C16orf87: variants seen among roughly 807,000 people sequenced by gnomAD.
The protein encoded by C16orf87 is UPF0547 protein C16orf87.
A neutral mutation model predicts 21.0 loss-of-function variants in C16orf87; 13 were observed. The observed-to-expected ratio is 0.62, with a 90% CI of 0.40 to 0.98. The LOEUF (loss-of-function observed/expected upper bound fraction) is 0.98, where lower values mean the gene tolerates loss of function less well. Ranked by LOEUF, C16orf87 falls within the 50% of genes least tolerant of loss-of-function variation. The pLI, the probability that C16orf87 is intolerant of heterozygous loss-of-function variation, is 0.00. For missense variants in C16orf87, 113 were observed against 180.4 expected (o/e 0.63, Z 2.14); for synonymous variants, 49 against 60.2 (o/e 0.81, Z 0.86).
intron 2 of C16orf87, among the ~76,000 whole-genome samples, chr16:46,811,103 G>A (rs1412584922): frequency 6.6e-6 from 1 of 152,144 alleles, no homozygotes; most frequent in Non-Finnish European, 1.5e-5. Context: ...TCATATTAAA[G>A]CTAATAAATG....
intron 1 of C16orf87, among the ~76,000 whole-genome samples, chr16:46,827,803 G>A (rs1395696166): frequency 2.0e-5 from 3 of 151,002 alleles, no homozygotes; most frequent in African/African-American, 2.4e-5. Context: ...GGCTGGTCTC[G>A]AACTCCTGAC....
At chr16:46,813,398 C>G (rs1235590900) in intron 2 of C16orf87, among the ~76,000 whole-genome samples, 1 of 151,298 alleles carries the variant, frequency 6.6e-6, no homozygotes, top group Non-Finnish European at 1.5e-5. Context: ...AAAATATACC[C>G]ATAATCTCTT....
At chr16:46,826,515 C>A (rs1177832670) in intron 1 of C16orf87, among the ~76,000 whole-genome samples, 1 of 152,114 alleles carries the variant, frequency 6.6e-6, no homozygotes, top group Non-Finnish European at 1.5e-5. Flanking sequence ...GAAATTTTGG[C>A]AGAATAATTC....
At chr16:46,805,839 A>T (rs956109658) in intron 3 of C16orf87, among the ~76,000 whole-genome samples, 1 of 152,174 alleles carries the variant, frequency 6.6e-6, no homozygotes, top group African/African-American at 2.4e-5. Flanking sequence ...TAGAGAAGAT[A>T]TGTTCAAACT....
At chr16:46,818,263 A>T (rs1596819169) in intron 2 of C16orf87, among the ~76,000 whole-genome samples, 1 of 152,242 alleles carries the variant, frequency 6.6e-6, no homozygotes, top group East Asian at 1.9e-4. Context: ...ATACTACTGA[A>T]TTAATACTCA....
intron 1 of C16orf87, among the ~76,000 whole-genome samples, chr16:46,825,822 G>A (rs1265771907): frequency 1.3e-5 from 2 of 151,306 alleles, no homozygotes; most frequent in Admixed American, 6.6e-5. Flanking sequence ...GCTGAGGCAG[G>A]AGAATCGCTT....
chr16:46,830,403 G>A (rs893205613), intron 1 of C16orf87, among the ~76,000 whole-genome samples: 5 of 152,020 alleles, frequency 3.3e-5, no homozygotes, highest in Non-Finnish European at 7.4e-5. Context: ...GGGAAGTTAG[G>A]AGCGCCCAAA....
intron 1 of C16orf87, among the ~76,000 whole-genome samples, chr16:46,827,768 AGAT>A (rs1959671768): frequency 6.6e-6 from 1 of 151,708 alleles, no homozygotes; most frequent in South Asian, 2.1e-4. Flanking sequence ...TTTTTAGTAG[AGAT>A]GGGGTTTCAC....
At chr16:46,824,340 A>T in intron 2 of C16orf87, 46 bp downstream of exon 2, 1 of 847,456 alleles carries the variant, frequency 1.2e-6, no homozygotes, top group Non-Finnish European at 1.9e-6. Flanking sequence ...AATTAACTTT[A>T]CATTTCTACA....
At chr16:46,821,824 G>A (rs1287851397) in intron 2 of C16orf87, among the ~76,000 whole-genome samples, 1 of 151,918 alleles carries the variant, frequency 6.6e-6, no homozygotes, top group Non-Finnish European at 1.5e-5. Flanking sequence ...AGTTTTACCT[G>A]CAGCTGAGGC....
intron 1 of C16orf87, among the ~76,000 whole-genome samples, chr16:46,828,196 G>A (rs1466733955): frequency 6.6e-6 from 1 of 152,056 alleles, no homozygotes; most frequent in African/African-American, 2.4e-5. Flanking sequence ...CCAAAGTACT[G>A]GGATTACAGG....
At chr16:46,816,804 T>A (rs1968258844) in intron 2 of C16orf87, among the ~76,000 whole-genome samples, 1 of 152,064 alleles carries the variant, frequency 6.6e-6, no homozygotes, top group Admixed American at 6.6e-5. Context: ...TGAAACTGGG[T>A]AAGGTTTCCA....
intron 2 of C16orf87, among the ~76,000 whole-genome samples, chr16:46,814,672 G>GT (rs1463068144): frequency 1.3e-5 from 2 of 152,098 alleles, no homozygotes; most frequent in Non-Finnish European, 2.9e-5. Flanking sequence ...TCCTTCATTT[G>GT]TATCACACCA....
At position 46,800,192 on chromosome 16, in the gene C16orf87, TTAAG is replaced by T. The variant is rs748011661; in HGVS notation, c.*2756_*2759del. ...CATACTGACCTTTTTTTTTTTTTTC[TTAAG>T]TATTTCTGAAATTTAAAGAAATAAG... On this transcript the variant is annotated 3_prime_UTR_variant, in exon 4 of 4. Transcript: ENST00000285697. The T allele has an allele frequency of 1.5e-5, 2 of 131,308 alleles. No homozygotes were observed. The highest frequency in any genetic ancestry group is 3.4e-5 in the Non-Finnish European group (2 of 59,394). 8.1% of individuals were successfully genotyped at this position (131,308 alleles called of 1,614,324 possible). A position where few individuals can be genotyped will look rare whatever the true frequency, so the allele number is the denominator to read the frequency against.
At chr16:46,817,163 C>G (rs1567313132) in intron 2 of C16orf87, among the ~76,000 whole-genome samples, 1 of 152,036 alleles carries the variant, frequency 6.6e-6, no homozygotes, top group Admixed American at 6.6e-5. Context: ...TAGAAACCAC[C>G]TTGAGTTGAA....
chr16:46,822,646 CATAA>C (rs1367114042), intron 2 of C16orf87, among the ~76,000 whole-genome samples: 2 of 152,198 alleles, frequency 1.3e-5, no homozygotes, highest in Admixed American at 6.5e-5. Flanking sequence ...ACCTCTCAGA[CATAA>C]ATAAAAATTA....
chr16:46,824,683 T>TTTTA (rs1469136294), intron 1 of C16orf87, among the ~76,000 whole-genome samples: 1 of 150,856 alleles, frequency 6.6e-6, no homozygotes. Flanking sequence ...TTTTTTTTTT[T>TTTTA]GAGACGGAGT....
chr16:46,813,117 T>A (rs1197966685), intron 2 of C16orf87, among the ~76,000 whole-genome samples: 1 of 152,178 alleles, frequency 6.6e-6, no homozygotes. Flanking sequence ...AACACTATTG[T>A]TATGATGGCT....
At position 46,809,746 on chromosome 16, in the gene C16orf87, ACTCT is replaced by A; in HGVS notation, c.199_202del (p.Arg67LeufsTer6). The A allele has an allele frequency of 6.2e-7, 1 of 1,603,314 alleles. No individual in the cohort carries two copies. Among genetic ancestry groups the A allele is most frequent in the Non-Finnish European group, 8.5e-7 (1 of 1,173,534 alleles). On this transcript the variant is annotated frameshift_variant, in exon 3 of 4. Coordinates refer to ENST00000285697, the MANE Select transcript of C16orf87 (RefSeq NM_001001436.4). LOFTEE classifies it high-confidence loss of function. ...TGTAGAATTTATCTTCTCTCTCCTA[ACTCT>A]CTCTGTTCGCCTCCTCTTGGCCTCA...
Sources: allele counts gnomAD v4.1 joint callset (sites outside exome capture counted in the v4.1 genomes callset), GRCh38; gene constraint gnomAD v4.1.1; transcripts MANE v1.5; gene names NCBI Gene and HGNC (gene_info 2026-07-23, HGNC 2026-07-21).